The following PER3 variants were observed in gnomAD, a reference collection of about 807,000 sequenced individuals.
The protein encoded by PER3 is period circadian regulator 3.
Under a neutral mutation model 127.2 loss-of-function variants are expected in PER3, and 107 were observed. The ratio of observed to expected loss-of-function variants is 0.84; its 90% CI spans 0.72 to 0.99. PER3 has a LOEUF of 0.99. PER3 is among the 50% of genes least tolerant of loss of function. The pLI, the probability that PER3 is intolerant of heterozygous loss-of-function variation, is 0.00. For missense variants in PER3, 1,560 were observed against 1,525.8 expected (o/e 1.02, Z -0.37); for synonymous variants, 618 against 585.8 (o/e 1.05, Z -0.79).
Position 7,809,008 on chromosome 1 carries a change from G to T in PER3, c.1242+10G>T, listed in dbSNP as rs754065428. 7.5e-7 allele frequency: 1 copy of T among 1,337,402 alleles called. No homozygotes were observed. Among genetic ancestry groups the T allele is most frequent in the South Asian group, 1.2e-5 (1 of 80,926 alleles). 82.8% of individuals were successfully genotyped at this position (1,337,402 alleles called of 1,614,324 possible). ...CAAACTTCTCTTACAGGTAAGGTGA[G>T]ATTGTTAAAAATGCAAAGTTCCCTG... is the stretch of plus-strand genomic sequence containing the variant. On this transcript the variant is annotated intron_variant, in intron 11 of 21. Transcript: ENST00000377532.
chr1:7,844,467 TTC>T lies in PER3; in HGVS notation c.*1714_*1715del, dbSNP rs1209395725. On this transcript the variant is annotated 3_prime_UTR_variant, in exon 22 of 22. Transcript: ENST00000377532. Reference sequence around the variant, plus strand: ...GCCAGTAGATTGTCTGTCAGTGACCTTCTGTAGTAATAAAGTTTTTGCCACTG... The same window carrying T: ...GCCAGTAGATTGTCTGTCAGTGACCTTGTAGTAATAAAGTTTTTGCCACTG... 6.6e-6 allele frequency: 1 copy of T among 152,560 alleles called. No individual in the cohort carries two copies. Among genetic ancestry groups the T allele is most frequent in the Non-Finnish European group, 1.5e-5 (1 of 68,146 alleles). The allele number at this position is 152,560 out of a possible 1,614,324, so 9.5% of individuals were successfully genotyped here.
In PER3 at chr1:7,803,742, T is replaced by G; in HGVS notation, c.1030T>G (p.Cys344Gly). The part of the protein sequence containing the change: ...PPFEHSPIRF[C>G]TQNGDYIILD... ...CTTTGAACATTCTCCCATTCGATTT[T>G]GTACTCAAAACGGAGACTACATCAT... Residue 344 changes from cysteine (C) to glycine (G), a missense_variant, in exon 10 of 22, where the codon TGT becomes GGT. Physicochemically the swap from Cys to Gly is radical, Grantham distance 159. Around this residue, in one of 3 missense-constraint regions of PER3, gnomAD observed 1,332 missense variants for 1,223.6 expected, o/e 1.09. Coordinates refer to ENST00000377532, the MANE Select transcript of PER3 (RefSeq NM_001377275.1). The G allele has an allele frequency of 6.2e-7, 1 of 1,610,354 alleles. No homozygotes were observed. The highest frequency in any genetic ancestry group is 8.5e-7 in the Non-Finnish European group (1 of 1,176,574).
intron 4 of PER3, chr1:7,787,509 C>T (rs930136580): frequency 9.6e-6 from 4 of 417,816 alleles, no homozygotes; most frequent in Non-Finnish European, 1.9e-5. Context: ...TTAAAAATAG[C>T]TTAAGAAAAT....
At chr1:7,809,587 T>C (rs1351162044) in intron 11 of PER3, among the ~76,000 whole-genome samples, 3 of 152,222 alleles carry the variant, frequency 2.0e-5, no homozygotes, top group Middle Eastern at 3.2e-3. Context: ...TATTCTAAAC[T>C]GGGCATAAAG....
intron 3 of PER3, among the ~76,000 whole-genome samples, chr1:7,785,906 G>GA (rs1336173693): frequency 3.9e-5 from 6 of 152,116 alleles, no homozygotes; most frequent in African/African-American, 1.4e-4. Context: ...GAAGTTATGG[G>GA]AAAAAAATGC....
At position 7,805,482 on chromosome 1, in the gene PER3, C is replaced by T. The variant is rs373942014; in HGVS notation, c.1136+1634C>T. On this transcript the variant is annotated intron_variant, in intron 10 of 21. Transcript: ENST00000377532. ...CAGGGTTTGGCCCCTCCGCAGAGCA[C>T]GTGTAGAACTTAATGGAAGAAATGG... 2.6e-5 allele frequency among the ~76,000 whole-genome samples: 4 copies of T among 152,228 alleles called. No individual in the cohort carries two copies. In the East Asian group the frequency reaches 7.7e-4, roughly 29 times the overall value.
rs539124389 is a variant in PER3, at chr1:7,820,154, G to A, written c.1698G>A (p.Lys566=). The A allele has an allele frequency of 6.2e-7, 1 of 1,612,998 alleles. No homozygotes were observed. The highest frequency in any genetic ancestry group is 1.7e-5 in the Admixed American group (1 of 60,006). The change falls in exon 15 of 22, where the codon AAG becomes AAA. Residue 566 remains lysine, a synonymous_variant. Transcript: ENST00000377532. ...KSYNIPALKR[K]CISCTNTTSS... ...ACAACATTCCAGCTTTGAAAAGAAAGTGTATCTCCTGTACAAATACAACTT... is the reference window on the plus strand; with the variant it reads ...ACAACATTCCAGCTTTGAAAAGAAAATGTATCTCCTGTACAAATACAACTT...
intron 10 of PER3, among the ~76,000 whole-genome samples, chr1:7,808,629 T>G (rs1257586180): frequency 6.6e-6 from 1 of 152,240 alleles, no homozygotes; most frequent in Admixed American, 6.5e-5. Context: ...TACTTGTCCC[T>G]GATTTCAGAT....
Position 7,820,203 on chromosome 1 carries a change from CAG to C in PER3, c.1749_1750del (p.Asn584ProfsTer5), listed in dbSNP as rs755305138. On this transcript the variant is annotated frameshift_variant, in exon 15 of 22. Transcript: ENST00000377532. LOFTEE classifies it high-confidence loss of function. ...TTSSSSEEDKQNHKADDVQAL... is the reference protein window; with the variant it reads ...TTSSSSEEDKXNHKADDVQAL... ...TTCTTCCTCCTCAGAAGAAGACAAA[CAG>C]AACCACAAGGCAGATGATGTCCAAG... The C allele has an allele frequency of 1.6e-5, 26 of 1,613,840 alleles. 1 individual carries two copies. Among genetic ancestry groups the C allele is most frequent in the Non-Finnish European group, 2.1e-5 (25 of 1,179,788 alleles).
chr1:7,830,714 G>A (rs762274746), intron 19 of PER3, among the ~76,000 whole-genome samples: 5 of 152,132 alleles, frequency 3.3e-5, no homozygotes, highest in African/African-American at 4.8e-5. Context: ...TGTTCCTGCC[G>A]TTTGTTCAAA....
At position 7,784,799 on chromosome 1, in the gene PER3, CTG is replaced by C. The variant is rs2097077366; in HGVS notation, c.-77_-76del. On this transcript the variant is annotated 5_prime_UTR_variant, in exon 2 of 22. The change abolishes the stop of an existing upstream ORF in the 5' untranslated region. Coordinates refer to ENST00000377532, the MANE Select transcript of PER3 (RefSeq NM_001377275.1). ...GGGGACCGGAGTGAGAAACCGGTGT[CTG>C]TCACTGACTGCAAAGTGAGCGAGAA... is the stretch of plus-strand genomic sequence containing the variant. 7.4e-7 allele frequency: 1 copy of C among 1,352,524 alleles called. No individual in the cohort carries two copies. Among genetic ancestry groups the C allele is most frequent in the African/African-American group, 1.5e-5 (1 of 65,020 alleles). 83.8% of individuals were successfully genotyped at this position (1,352,524 alleles called of 1,614,324 possible).
chr1:7,810,520 C>T lies in PER3; in HGVS notation c.1454C>T (p.Ser485Leu), dbSNP rs761153271. The change falls in exon 13 of 22, where the codon TCA (serine) becomes TTA (leucine). Residue 485 changes from serine (S) to leucine (L), a missense_variant. Around this residue, in one of 3 missense-constraint regions of PER3, gnomAD observed 1,332 missense variants for 1,223.6 expected, o/e 1.09. Transcript: ENST00000377532. ...QQLYIESMTK[S>L]SFKPVTGTRT... ...CTCTACATTGAGTCAATGACCAAAT[C>T]ATCATTCAAGCCAGTGACGGGGACA... 2.5e-6 allele frequency: 4 copies of T among 1,613,666 alleles called. No individual in the cohort carries two copies. The highest frequency in any genetic ancestry group is 1.3e-5 in the African/African-American group (1 of 75,018).
chr1:7,841,760 C>G (rs1276441968), intron 21 of PER3, among the ~76,000 whole-genome samples: 1 of 152,034 alleles, frequency 6.6e-6, no homozygotes, highest in Non-Finnish European at 1.5e-5. Flanking sequence ...AGGGTCTCAC[C>G]AAAAAGCAGG....
intron 13 of PER3, among the ~76,000 whole-genome samples, chr1:7,817,144 ATGAT>A (rs2097255195): frequency 6.6e-6 from 1 of 152,234 alleles, no homozygotes; most frequent in Non-Finnish European, 1.5e-5. Flanking sequence ...AGTATTTACT[ATGAT>A]TGGGTAGAGA....
chr1:7,789,870 C>G (rs761137314), intron 5 of PER3, among the ~76,000 whole-genome samples: 2 of 152,216 alleles, frequency 1.3e-5, no homozygotes, highest in Non-Finnish European at 1.5e-5. Context: ...TAGCTCATCT[C>G]TTTTCCCATC....
rs2097211599 is a variant in PER3 at position 7,809,894 on chromosome 1, C to T, written c.1244C>T (p.Pro415Leu). 1.2e-6 allele frequency: 2 copies of T among 1,613,714 alleles called. No homozygotes were observed. The highest frequency in any genetic ancestry group is 1.7e-5 in the Admixed American group (1 of 59,954). Residue 415 changes from proline to leucine, a missense_variant and splice_region_variant, in exon 12 of 22, where the codon CCA becomes CTA. By Grantham distance (98) the Pro-to-Leu change is moderately conservative (BLOSUM62 -3). This residue lies in a region of PER3 where 1,332 missense variants were observed against 1,223.6 expected (regional missense o/e 1.09). Coordinates refer to ENST00000377532, the MANE Select transcript of PER3 (RefSeq NM_001377275.1). The stretch of plus-strand genomic sequence containing the variant: ...ACTTGTTCCTCTTTGTCCTTCCAGC[C>T]AGTTCACGTGAGCGTGTCCAGCGGC... ...QEQIYKLLLQ[P>L]VHVSVSSGYG...
chr1:7,835,728 T>C (rs1300870406), intron 19 of PER3, 34 bp from the exon 20 acceptor site: 18 of 1,495,276 alleles, frequency 1.2e-5, no homozygotes, highest in Non-Finnish European at 1.7e-5. Flanking sequence ...GTCGGACAGG[T>C]CTTTTCTAAT....
rs751192247 is a variant in PER3, at chr1:7,827,477, C to G, written c.2548C>G (p.Pro850Ala). The G allele has an allele frequency of 6.2e-7, 1 of 1,614,274 alleles. No homozygotes were observed. Among genetic ancestry groups the G allele is most frequent in the South Asian group, 1.1e-5 (1 of 91,088 alleles). Residue 850 changes from proline (P) to alanine (A), a missense_variant, in exon 18 of 22, where the codon CCT becomes GCT. By Grantham distance (27) the Pro-to-Ala change is conservative (BLOSUM62 -1). Around this residue, in one of 3 missense-constraint regions of PER3, gnomAD observed 1,332 missense variants for 1,223.6 expected, o/e 1.09. Coordinates refer to ENST00000377532, the MANE Select transcript of PER3 (RefSeq NM_001377275.1). Reference sequence around the variant, plus strand: ...GCAGCCTTACCCAGCTTTCCCTTTTCCTTACTTGGATACTTTTATGACCGT... The same window carrying G: ...GCAGCCTTACCCAGCTTTCCCTTTTGCTTACTTGGATACTTTTATGACCGT... ...GLQPYPAFPF[P>A]YLDTFMTVFL...
At chr1:7,819,925 G>A (rs1478803694) in intron 14 of PER3, among the ~76,000 whole-genome samples, 190 bp from the exon 15 acceptor site, 2 of 152,008 alleles carry the variant, frequency 1.3e-5, no homozygotes, top group Non-Finnish European at 2.9e-5. Flanking sequence ...AAGATTTGAA[G>A]GTTAATTCAA....
Sources: gnomAD v4.1 joint callset for allele counts (sites outside exome capture counted in the v4.1 genomes callset) on GRCh38, gnomAD v4.1.1 for gene constraint, gnomAD v4.1.1 regional missense constraint, MANE v1.5 for transcripts, NCBI Gene and HGNC (gene_info 2026-07-23, HGNC 2026-07-21) for gene names.